PRKDC: variants seen among roughly 807,000 people sequenced by gnomAD.
PRKDC encodes the protein DNA-dependent protein kinase catalytic subunit.
Under a neutral mutation model 486.9 loss-of-function variants are expected in PRKDC, and 82 were observed. That is an observed-to-expected ratio of 0.17 (90% CI 0.14 to 0.20). The LOEUF is 0.20. Ranked by LOEUF, PRKDC falls within the 10% of genes least tolerant of loss-of-function variation. The pLI is 1.00. For synonymous variants in PRKDC, 1,895 were observed against 1,837.0 expected, an observed-to-expected ratio of 1.03 and a Z score of -0.81; for missense variants, 4,504 against 5,038.2, an observed-to-expected ratio of 0.89 and a Z score of 3.21.
Position 47,828,186 on chromosome 8 carries a change from G to A in PRKDC, c.8559C>T (p.Pro2853=), listed in dbSNP as rs2087780098. 3.1e-6 allele frequency: 5 copies of A among 1,613,494 alleles called. No individual in the cohort carries two copies. The highest frequency in any genetic ancestry group is 1.3e-5 in the African/African-American group (1 of 74,918). ...ACTTTACCTGAATACAAGAGACAAA[G>A]GGTGGAAAGAAAGAGAAGGTGGTAT... ...FLNTTFSFFP[P]FVSCIQDISC... The change falls in exon 62 of 86, where the codon CCC becomes CCT. Residue 2853 remains proline (P), a synonymous_variant. Transcript: ENST00000314191.
At position 47,937,365 on chromosome 8, in the gene PRKDC, G is replaced by C. The variant is rs542195689; in HGVS notation, c.1114-848C>G. On this transcript the variant is annotated intron_variant, in intron 11 of 85. Coordinates refer to ENST00000314191, the MANE Select transcript of PRKDC (RefSeq NM_006904.7). ...TTCACACAGGAAGCATTTATTGGTT[G>C]TCAGCTATGTTCTAGGCACTGTTTA... 3.2e-4 allele frequency among the ~76,000 whole-genome samples: 48 copies of C among 152,328 alleles called. No individual in the cohort carries two copies. In the South Asian group the frequency reaches 9.3e-3, roughly 30 times the overall value.
intron 36 of PRKDC, among the ~76,000 whole-genome samples, chr8:47,884,390 C>T (rs1215416974): frequency 6.6e-6 from 1 of 152,232 alleles, no homozygotes; most frequent in Non-Finnish European, 1.5e-5. Context: ...GCTGCTATCT[C>T]AAACTCTGCA....
In PRKDC at chr8:47,782,491, G is replaced by T. The variant is rs1184088019; in HGVS notation, c.11283C>A (p.Asp3761Glu). The T allele has an allele frequency of 6.3e-7, 1 of 1,580,702 alleles. No individual in the cohort carries two copies. Among genetic ancestry groups the T allele is most frequent in the Non-Finnish European group, 8.6e-7 (1 of 1,164,088 alleles). Reference protein sequence around the residue: ...LVKGGEDLRQDQRVEQLFQVM... With the variant: ...LVKGGEDLRQEQRVEQLFQVM... ...CCTGGAAGAGCTGCTCCACGCGCTG[G>T]TCCTGCCGCAGGTCCTCGCCACCCT... The change falls in exon 79 of 86, where the codon GAC (aspartate) becomes GAA (glutamate). Residue 3761 changes from aspartate to glutamate, a missense_variant. Asp to Glu is a conservative substitution (Grantham distance 45). Around this residue, in one of 6 missense-constraint regions of PRKDC, gnomAD observed 706 missense variants for 945.0 expected, o/e 0.75. Transcript: ENST00000314191. This position sits in a 1 kb window ranked among gnomAD's most constrained non-coding sequence, Gnocchi z 4.9.
chr8:47,801,426 A>C (rs1327556874), intron 70 of PRKDC, among the ~76,000 whole-genome samples: 1 of 152,208 alleles, frequency 6.6e-6, no homozygotes, highest in African/African-American at 2.4e-5. Flanking sequence ...AAGTATAAGA[A>C]ACTGACTTCA....
chr8:47,952,091 C>T (rs1400294967), intron 7 of PRKDC, among the ~76,000 whole-genome samples: 1 of 152,188 alleles, frequency 6.6e-6, no homozygotes, highest in African/African-American at 2.4e-5. Context: ...GGTTACCATA[C>T]AACCCAACAA....
chr8:47,820,658 CATT>C (rs2087569218), intron 66 of PRKDC, 58 bp downstream of exon 66: 1 of 894,236 alleles, frequency 1.1e-6, no homozygotes. Flanking sequence ...GATAGATCCA[CATT>C]ATAATATATA....
intron 14 of PRKDC, 116 bp from the exon 15 acceptor site, chr8:47,934,206 A>G: frequency 4.1e-6 from 5 of 1,208,702 alleles, no homozygotes; most frequent in Admixed American, 2.5e-5. Context: ...ATAGGAGACC[A>G]TATGATTAAG....
chr8:47,899,788 G>A (rs1481544600), intron 28 of PRKDC, among the ~76,000 whole-genome samples: 1 of 152,216 alleles, frequency 6.6e-6, no homozygotes, highest in East Asian at 1.9e-4. Context: ...GGGGAGTTAA[G>A]AAGTCTTCTA....
At chr8:47,833,124 CCTT>C (rs2087927047) in intron 59 of PRKDC, among the ~76,000 whole-genome samples, 1 of 152,206 alleles carries the variant, frequency 6.6e-6, no homozygotes, top group South Asian at 2.1e-4. Flanking sequence ...CACCAGCACT[CCTT>C]CAACTCACAG....
chr8:47,816,580 T>C (rs973569240), intron 68 of PRKDC, among the ~76,000 whole-genome samples: 2 of 152,204 alleles, frequency 1.3e-5, no homozygotes, highest in Admixed American at 6.5e-5. Flanking sequence ...AAATTCTTTT[T>C]CTTAAGAAAT....
At chr8:47,854,618 C>T (rs557906302) in intron 50 of PRKDC, among the ~76,000 whole-genome samples, 2 of 152,224 alleles carry the variant, frequency 1.3e-5, no homozygotes, top group African/African-American at 2.4e-5. Context: ...GGGATTAAGG[C>T]GTGAGCCACC....
Position 47,933,172 on chromosome 8 carries a change from C to T in PRKDC, c.1624G>A (p.Asp542Asn). The part of the protein sequence containing the change: ...RHLLSSDQMM[D>N]SILADEAFFS... ...AATGCTTCATCTGCTAAAATAGAAT[C>T]CTTTAAATAAAGAAAAACAATAAAC... The change falls in exon 16 of 86, where the codon GAT becomes AAT. Residue 542 changes from aspartate (D) to asparagine (N), a missense_variant and splice_region_variant. Coordinates refer to ENST00000314191, the MANE Select transcript of PRKDC (RefSeq NM_006904.7). 1 of 1,489,416 alleles carries T rather than the reference C, an allele frequency of 6.7e-7. No individual in the cohort carries two copies. Among genetic ancestry groups the T allele is most frequent in the South Asian group, 1.4e-5 (1 of 73,388 alleles). 92.3% of individuals were successfully genotyped at this position (1,489,416 alleles called of 1,614,324 possible). A position where few individuals can be genotyped will look rare whatever the true frequency, so the allele number is the denominator to read the frequency against.
chr8:47,818,171 A>C (rs1167599436), intron 67 of PRKDC, among the ~76,000 whole-genome samples: 4 of 152,222 alleles, frequency 2.6e-5, no homozygotes, highest in Non-Finnish European at 5.9e-5. Context: ...TAGATGAGAC[A>C]GTCCTGGGTT....
chr8:47,907,763 G>A (rs1006106645), intron 25 of PRKDC, among the ~76,000 whole-genome samples: 2 of 151,702 alleles, frequency 1.3e-5, no homozygotes, highest in African/African-American at 2.4e-5. Flanking sequence ...TCAAACTCCT[G>A]ACCCCCGGCC....
chr8:47,853,519 C>T (rs1043712654), intron 51 of PRKDC, among the ~76,000 whole-genome samples: 1 of 152,114 alleles, frequency 6.6e-6, no homozygotes, highest in African/African-American at 2.4e-5. Context: ...TATGATGTCC[C>T]GGAACCATCT....
At chr8:47,841,240 C>A (rs760349524) in intron 54 of PRKDC, among the ~76,000 whole-genome samples, 1 of 152,212 alleles carries the variant, frequency 6.6e-6, no homozygotes, top group African/African-American at 2.4e-5. Context: ...TGGAGCCCAG[C>A]AGGTCTCACT....
At chr8:47,957,506 A>G in intron 1 of PRKDC, 75 bp from the exon 2 acceptor site, 1 of 1,225,494 alleles carries the variant, frequency 8.2e-7, no homozygotes. Context: ...AGGGGTTGCA[A>G]TGATTTTCTT....
At chr8:47,905,039 G>A in intron 25 of PRKDC, 63 bp from the exon 26 acceptor site, 1 of 1,220,156 alleles carries the variant, frequency 8.2e-7, no homozygotes, top group Non-Finnish European at 1.2e-6. Flanking sequence ...CGCTGTAAAG[G>A]GTTCCATTTA....
chr8:47,881,143 C>T (rs773021161), intron 38 of PRKDC, among the ~76,000 whole-genome samples: 2 of 151,926 alleles, frequency 1.3e-5, no homozygotes, highest in African/African-American at 2.4e-5. Flanking sequence ...GAGAGGCACA[C>T]TGAACTGAAG....
Sources: allele counts gnomAD v4.1 joint callset (sites outside exome capture counted in the v4.1 genomes callset), GRCh38; gene constraint gnomAD v4.1.1; regional missense constraint gnomAD v4.1.1; non-coding constraint Gnocchi (gnomAD v3.1); transcripts MANE v1.5; gene names NCBI Gene and HGNC (gene_info 2026-07-23, HGNC 2026-07-21).